The following ZFYVE9 variants were observed in gnomAD, a reference collection of about 807,000 sequenced individuals.
ZFYVE9 encodes the protein zinc finger FYVE domain-containing protein 9.
ZFYVE9 carries 43 observed loss-of-function variants against 126.7 expected under a neutral mutation model. The ratio of observed to expected loss-of-function variants is 0.34; its 90% CI spans 0.27 to 0.44. The LOEUF is 0.44. Ranked by LOEUF, ZFYVE9 falls within the 20% of genes least tolerant of loss-of-function variation. ZFYVE9 has a pLI of 1.00. For missense variants in ZFYVE9, 1,476 were observed against 1,697.0 expected (o/e 0.87, Z 2.29); for synonymous variants, 521 against 597.4 (o/e 0.87, Z 1.87).
chr1:52,226,025 A>T (rs1483381176), intron 2 of ZFYVE9, among the ~76,000 whole-genome samples: 2 of 152,174 alleles, frequency 1.3e-5, no homozygotes, highest in Non-Finnish European at 2.9e-5. Context: ...TTTATAGTCC[A>T]GCTTGAGGAG....
intron 13 of ZFYVE9, among the ~76,000 whole-genome samples, chr1:52,330,277 G>A (rs1365971371): frequency 3.9e-5 from 6 of 152,172 alleles, no homozygotes; most frequent in Non-Finnish European, 7.3e-5. Context: ...TCGGGAGGCT[G>A]AGGCAGGAGA....
intron 12 of ZFYVE9, among the ~76,000 whole-genome samples, chr1:52,301,102 C>T (rs1233430197): frequency 2.6e-5 from 4 of 151,832 alleles, no homozygotes; most frequent in African/African-American, 7.3e-5. Context: ...TCAAGGGATC[C>T]TCCTGCCCTG....
chr1:52,319,044 C>T (rs1646213390), intron 13 of ZFYVE9, among the ~76,000 whole-genome samples: 1 of 152,176 alleles, frequency 6.6e-6, no homozygotes, highest in Non-Finnish European at 1.5e-5. Context: ...TTGCAGTGAG[C>T]TGAGATTGTG....
chr1:52,183,327 T>C (rs941652367), intron 1 of ZFYVE9, among the ~76,000 whole-genome samples: 2 of 152,218 alleles, frequency 1.3e-5, no homozygotes, highest in African/African-American at 2.4e-5. Flanking sequence ...TTGGGATATA[T>C]GTTTGTTGTA....
chr1:52,267,786 A>C (rs1035673506), intron 6 of ZFYVE9, among the ~76,000 whole-genome samples: 1 of 151,930 alleles, frequency 6.6e-6, no homozygotes, highest in Non-Finnish European at 1.5e-5. Context: ...GTTTGAATTG[A>C]TTTCTAAAAC....
At chr1:52,186,874 C>T (rs1222075431) in intron 1 of ZFYVE9, among the ~76,000 whole-genome samples, 1 of 152,048 alleles carries the variant, frequency 6.6e-6, no homozygotes, top group East Asian at 1.9e-4. Context: ...GAATCAATAT[C>T]ATTAAAATGG....
chr1:52,337,662 A>G, intron 15 of ZFYVE9, 110 bp from the exon 16 acceptor site: 1 of 1,245,614 alleles, frequency 8.0e-7, no homozygotes, highest in Non-Finnish European at 1.1e-6. Flanking sequence ...CCTCTGTATC[A>G]GTCAGCTTTG....
At chr1:52,312,752 G>C (rs142655442) in intron 13 of ZFYVE9, among the ~76,000 whole-genome samples, 179 of 152,238 alleles carry the variant, frequency 1.2e-3, no homozygotes, top group African/African-American at 4.2e-3. Context: ...AGGGGTGTAC[G>C]GTTCTCCCTG....
At position 52,266,668 on chromosome 1, in the gene ZFYVE9, G is replaced by T; in HGVS notation, c.2292G>T (p.Glu764Asp). ...HSVLMNAQAW[E>D]NMMSASSQSP... ...TATTTGCTTTAGCTCAAGCCTGGGA[G>T]AACATGATGAGTGCCTCAAGCCAGA... Residue 764 changes from glutamate to aspartate, a missense_variant, in exon 6 of 19, where the codon GAG (glutamate) becomes GAT (aspartate). Glu to Asp is a conservative substitution (Grantham distance 45). Around this residue, in one of 2 missense-constraint regions of ZFYVE9, gnomAD observed 669 missense variants for 902.4 expected, o/e 0.74. Coordinates refer to ENST00000287727, the MANE Select transcript of ZFYVE9 (RefSeq NM_004799.4). 1 of 1,593,990 alleles carries T rather than the reference G, an allele frequency of 6.3e-7. No individual in the cohort carries two copies. The highest frequency in any genetic ancestry group is 1.1e-5 in the South Asian group (1 of 87,314).
At position 52,249,797 on chromosome 1, in the gene ZFYVE9, G is replaced by A. The variant is rs575061834; in HGVS notation, c.2178+10202G>A. ...TTTATCCATTTTGAGTTAATTTTTT[G>A]TGTATAGTATTAGCTTAGTTTTATT... On this transcript the variant is annotated intron_variant, in intron 4 of 18. Transcript: ENST00000287727. Among the ~76,000 whole-genome samples, 4 of 152,202 alleles carry A rather than the reference G, an allele frequency of 2.6e-5. No homozygotes were observed. The South Asian group carries it at 8.3e-4, about 32-fold the overall frequency.
At position 52,292,511 on chromosome 1, in the gene ZFYVE9, G is replaced by A. The variant is rs553962868; in HGVS notation, c.3026-942G>A. On this transcript the variant is annotated intron_variant, in intron 10 of 18. Coordinates refer to ENST00000287727, the MANE Select transcript of ZFYVE9 (RefSeq NM_004799.4). ...TTTTTTGAGACAGTGTCACTCTATC[G>A]CCTAGGCTGGAGCGCAGTGGCACAA... Among the ~76,000 whole-genome samples, 23 of 122,084 alleles carry A rather than the reference G, an allele frequency of 1.9e-4. No individual in the cohort carries two copies. The East Asian group carries it at 4.5e-3, about 24-fold the overall frequency. The allele number at this position is 122,084 out of a possible 152,430, so 80.1% of individuals were successfully genotyped here.
chr1:52,169,113 C>T (rs1448251016), intron 1 of ZFYVE9, among the ~76,000 whole-genome samples: 6 of 152,240 alleles, frequency 3.9e-5, no homozygotes, highest in East Asian at 3.9e-4. Context: ...AAAATTGTAA[C>T]CCCCTAGTCG....
Position 52,325,282 on chromosome 1 carries a change from T to A in ZFYVE9, c.3439-7486T>A, listed in dbSNP as rs532450044. Among the ~76,000 whole-genome samples the A allele has an allele frequency of 5.3e-5, 8 of 152,154 alleles. No individual in the cohort carries two copies. In the South Asian group the frequency reaches 1.7e-3, roughly 32 times the overall value. On this transcript the variant is annotated intron_variant, in intron 13 of 18. Coordinates refer to ENST00000287727, the MANE Select transcript of ZFYVE9 (RefSeq NM_004799.4). ...GGCAGAGCTTGCAGTGAGCCGAGACTGCACCACTGCACTCTAGCCTGGGCG... is the reference window on the plus strand; with the variant it reads ...GGCAGAGCTTGCAGTGAGCCGAGACAGCACCACTGCACTCTAGCCTGGGCG...
At chr1:52,176,150 A>G (rs1644626022) in intron 1 of ZFYVE9, among the ~76,000 whole-genome samples, 1 of 152,056 alleles carries the variant, frequency 6.6e-6, no homozygotes, top group South Asian at 2.1e-4. Context: ...GTCTTTGATG[A>G]TGGTGATGTA....
chr1:52,337,902 G>A lies in ZFYVE9; in HGVS notation c.3801G>A (p.Gln1267=). Residue 1267 remains glutamine (Q), a synonymous_variant, in exon 16 of 19, where the codon CAG becomes CAA. Coordinates refer to ENST00000287727, the MANE Select transcript of ZFYVE9 (RefSeq NM_004799.4). ...AACCCCAGGAGCACATCCACATCCA[G>A]TGGGTGGATGATGACAAGAACGTTA... ...AEEPQEHIHI[Q]WVDDDKNVSK... The A allele has an allele frequency of 6.2e-7, 1 of 1,614,240 alleles. No homozygotes were observed. The highest frequency in any genetic ancestry group is 8.5e-7 in the Non-Finnish European group (1 of 1,180,048).
intron 4 of ZFYVE9, among the ~76,000 whole-genome samples, chr1:52,242,560 C>T (rs568132023): frequency 5.0e-4 from 75 of 150,598 alleles, no homozygotes; most frequent in Non-Finnish European, 8.6e-4. Context: ...TTTTTAAATC[C>T]AGTGCCTTCA....
intron 1 of ZFYVE9, among the ~76,000 whole-genome samples, chr1:52,212,068 G>A (rs1645033458): frequency 6.6e-6 from 1 of 152,114 alleles, no homozygotes; most frequent in South Asian, 2.1e-4. Context: ...ATCCCAGGGA[G>A]ATAATCTTTT....
At position 52,251,292 on chromosome 1, in the gene ZFYVE9, C is replaced by T. The variant is rs115929480; in HGVS notation, c.2178+11697C>T. 3.1e-3 allele frequency among the ~76,000 whole-genome samples: 466 copies of T among 152,020 alleles called. 2 individuals carry two copies. Among genetic ancestry groups the T allele is most frequent in the African/African-American group, 0.011 (440 of 41,496 alleles). On this transcript the variant is annotated intron_variant, in intron 4 of 18. Coordinates refer to ENST00000287727, the MANE Select transcript of ZFYVE9 (RefSeq NM_004799.4). Reference sequence around the variant, plus strand: ...TCACCATGTTGGCCAGGCTAGCTTTCGGTCTTTTACCAGTGCATATGATGT... The same window carrying T: ...TCACCATGTTGGCCAGGCTAGCTTTTGGTCTTTTACCAGTGCATATGATGT...
chr1:52,296,701 A>AAATCAAGGT (rs1491001885), intron 12 of ZFYVE9, among the ~76,000 whole-genome samples: 1 of 151,980 alleles, frequency 6.6e-6, no homozygotes, highest in Admixed American at 6.6e-5. Context: ...AGGTTTGGTG[A>AAATCAAGGT]AATCAAGGTA....
Sources: gnomAD v4.1 joint callset for allele counts (sites outside exome capture counted in the v4.1 genomes callset) on GRCh38, gnomAD v4.1.1 for gene constraint, gnomAD v4.1.1 regional missense constraint, MANE v1.5 for transcripts, NCBI Gene and HGNC (gene_info 2026-07-23, HGNC 2026-07-21) for gene names.